REV3L: variants seen among roughly 807,000 people sequenced by gnomAD.
The protein encoded by REV3L is DNA polymerase zeta catalytic subunit.
A neutral mutation model predicts 299.4 loss-of-function variants in REV3L; 69 were observed. The observed-to-expected ratio is 0.23, with a 90% CI of 0.19 to 0.28. The LOEUF is 0.28. Among genes scored for constraint, REV3L ranks in the 10% least tolerant of loss-of-function variants. REV3L has a pLI of 1.00. For synonymous variants in REV3L, 1,238 were observed against 1,271.4 expected, an observed-to-expected ratio of 0.97 and a Z score of 0.56; for missense variants, 3,128 against 3,693.8, an observed-to-expected ratio of 0.85 and a Z score of 3.97.
chr6:111,365,415 G>T, intron 14 of REV3L, 71 bp from the exon 15 acceptor site: 1 of 829,588 alleles, frequency 1.2e-6, no homozygotes, highest in Non-Finnish European at 1.8e-6. Context: ...AAAACCTTTT[G>T]TTGTTCCAAA....
chr6:111,320,646 C>T (rs1774063830), intron 26 of REV3L, among the ~76,000 whole-genome samples: 1 of 151,972 alleles, frequency 6.6e-6, no homozygotes, highest in African/African-American at 2.4e-5. Flanking sequence ...TGTCACTAAA[C>T]GTTTGGGTTT....
At chr6:111,472,558 A>G (rs1175978619) in intron 1 of REV3L, among the ~76,000 whole-genome samples, 1 of 151,958 alleles carries the variant, frequency 6.6e-6, no homozygotes, top group African/African-American at 2.4e-5. Flanking sequence ...TATCATCTAA[A>G]AAAATAGAAT....
chr6:111,420,868 A>G (rs1379667260), intron 1 of REV3L, among the ~76,000 whole-genome samples: 2 of 152,164 alleles, frequency 1.3e-5, no homozygotes, highest in African/African-American at 2.4e-5. Flanking sequence ...TTGGCTGGGC[A>G]TGGTGGCTCA....
intron 1 of REV3L, among the ~76,000 whole-genome samples, chr6:111,439,044 T>C (rs2128306185): frequency 6.6e-6 from 1 of 152,336 alleles, no homozygotes; most frequent in South Asian, 2.1e-4. Flanking sequence ...TATATTAGGT[T>C]GGTGCAAAAG....
chr6:111,372,462 C>T lies in REV3L; in HGVS notation c.5759+134G>A, dbSNP rs185900151. On this transcript the variant is annotated intron_variant, in intron 13 of 31. Transcript: ENST00000368802. ...AATACTTTCCACAATGATATACTTA[C>T]AAATACGGTATCACAGAAAACTAGC... 6 of 596,440 alleles carry T rather than the reference C, an allele frequency of 1.0e-5. No individual in the cohort carries two copies. In the East Asian group the frequency reaches 1.6e-4, roughly 16 times the overall value. 36.9% of individuals were successfully genotyped at this position (596,440 alleles called of 1,614,324 possible).
At chr6:111,331,598 C>A in intron 24 of REV3L, 78 bp downstream of exon 24, 2 of 930,276 alleles carry the variant, frequency 2.1e-6, no homozygotes, top group South Asian at 1.9e-5. Flanking sequence ...CTATTATGTG[C>A]CAACAATATC....
rs552010062 is a variant in REV3L at position 111,320,218 on chromosome 6, G to A, written c.8351+2351C>T. 6.0e-4 allele frequency among the ~76,000 whole-genome samples: 91 copies of A among 152,176 alleles called. 2 individuals carry two copies. Among genetic ancestry groups the A allele is most frequent in the South Asian group, 2.1e-4 (1 of 4,826 alleles). Reference sequence around the variant, plus strand: ...CAAGTAACTGGGATTACAGGCATGCGCCATCACGCCCAGCTAATTTTGTAT... The same window carrying A: ...CAAGTAACTGGGATTACAGGCATGCACCATCACGCCCAGCTAATTTTGTAT... On this transcript the variant is annotated intron_variant, in intron 26 of 31. Coordinates refer to ENST00000368802, the MANE Select transcript of REV3L (RefSeq NM_001372078.1).
intron 23 of REV3L, among the ~76,000 whole-genome samples, chr6:111,332,507 G>T (rs1234147571): frequency 6.6e-6 from 1 of 152,076 alleles, no homozygotes; most frequent in Non-Finnish European, 1.5e-5. Flanking sequence ...TTAATAAAAA[G>T]ACAGGATTAC....
chr6:111,320,054 G>A (rs1055423736), intron 26 of REV3L, among the ~76,000 whole-genome samples: 1 of 146,802 alleles, frequency 6.8e-6, no homozygotes, highest in African/African-American at 2.5e-5. Flanking sequence ...GGGATTACAG[G>A]TGTGAGCCAC....
intron 3 of REV3L, among the ~76,000 whole-genome samples, chr6:111,410,614 G>A (rs1784148523): frequency 6.6e-6 from 1 of 152,180 alleles, no homozygotes; most frequent in Admixed American, 6.5e-5. Context: ...ATCAAGGGCA[G>A]GATGTAAGAA....
At chr6:111,308,879 G>C (rs1339794496) in intron 30 of REV3L, among the ~76,000 whole-genome samples, 1 of 152,252 alleles carries the variant, frequency 6.6e-6, no homozygotes, top group Non-Finnish European at 1.5e-5. Flanking sequence ...GAAACCAGGA[G>C]AGCATGGCAT....
chr6:111,448,293 T>C (rs1274177039), intron 1 of REV3L, among the ~76,000 whole-genome samples: 1 of 152,216 alleles, frequency 6.6e-6, no homozygotes, highest in East Asian at 1.9e-4. Flanking sequence ...GAGATTTCTC[T>C]ATACTGTAAT....
chr6:111,450,693 G>C (rs1236999199), intron 1 of REV3L, among the ~76,000 whole-genome samples: 1 of 151,878 alleles, frequency 6.6e-6, no homozygotes, highest in Non-Finnish European at 1.5e-5. Context: ...TGGAGAGGAA[G>C]AAAGTAATGA....
At chr6:111,398,564 A>G (rs980108693) in intron 4 of REV3L, among the ~76,000 whole-genome samples, 5 of 152,144 alleles carry the variant, frequency 3.3e-5, no homozygotes, top group Non-Finnish European at 7.4e-5. Flanking sequence ...ATATGCACAT[A>G]TAATATTCAA....
At chr6:111,315,428 CA>C in intron 26 of REV3L, 47 bp from the exon 27 acceptor site, 1 of 1,481,632 alleles carries the variant, frequency 6.7e-7, no homozygotes. Context: ...GTCATTATAA[CA>C]AAAATTTTAT....
intron 1 of REV3L, among the ~76,000 whole-genome samples, chr6:111,480,140 C>T (rs1053664446): frequency 6.6e-6 from 1 of 152,182 alleles, no homozygotes; most frequent in Non-Finnish European, 1.5e-5. Flanking sequence ...AAAACATTTT[C>T]TCTCCAAACC....
In REV3L at chr6:111,368,025, C is replaced by T; in HGVS notation, c.5763G>A (p.Glu1921=). The T allele has an allele frequency of 6.3e-7, 1 of 1,599,422 alleles. No individual in the cohort carries two copies. Among genetic ancestry groups the T allele is most frequent in the Non-Finnish European group, 8.5e-7 (1 of 1,174,040 alleles). The change falls in exon 14 of 32, where the codon GAG becomes GAA. Residue 1921 remains glutamate, a synonymous_variant. Transcript: ENST00000368802. ...NPSDVPEKPR[E]IGGRLLMVET... is the part of the protein sequence containing the mutation. ...CTACCATGAGGAGCCGTCCACCAATCTCCCTATAATAACATATTTTAGAAC... is the reference window on the plus strand; with the variant it reads ...CTACCATGAGGAGCCGTCCACCAATTTCCCTATAATAACATATTTTAGAAC...
intron 1 of REV3L, among the ~76,000 whole-genome samples, chr6:111,482,456 C>G (rs1033917736): frequency 1.3e-5 from 2 of 152,108 alleles, no homozygotes; most frequent in Admixed American, 6.5e-5. Flanking sequence ...TCTCCCGGCC[C>G]GCGCCCTGGA....
chr6:111,373,098 T>C lies in REV3L; in HGVS notation c.5257A>G (p.Thr1753Ala). 1 of 1,614,004 alleles carries C rather than the reference T, an allele frequency of 6.2e-7. No homozygotes were observed. Among genetic ancestry groups the C allele is most frequent in the South Asian group, 1.1e-5 (1 of 91,064 alleles). Residue 1753 changes from threonine (T) to alanine (A), a missense_variant, in exon 13 of 32, where the codon ACT (threonine) becomes GCT (alanine). By Grantham distance (58) the Thr-to-Ala change is moderately conservative. This residue lies in a region of REV3L where 2,409 missense variants were observed against 2,611.8 expected (regional missense o/e 0.92). Coordinates refer to ENST00000368802, the MANE Select transcript of REV3L (RefSeq NM_001372078.1). ...QWKNSFHPLT[T>A]RSNSIMDSFC... ...GAATCCATTATTGAGTTAGACCGAG[T>C]TGTTAGAGGATGAAAGCTATTTTTC...
Sources: allele counts gnomAD v4.1 joint callset (sites outside exome capture counted in the v4.1 genomes callset), GRCh38; gene constraint gnomAD v4.1.1; regional missense constraint gnomAD v4.1.1; transcripts MANE v1.5; gene names NCBI Gene and HGNC (gene_info 2026-07-23, HGNC 2026-07-21).